The following CDKN2B-AS1 variants were observed in gnomAD, a reference collection of about 807,000 sequenced individuals.
CDKN2B-AS1 encodes CDKN2B antisense RNA 1 (non-protein coding).
At position 22,008,731 on chromosome 9, in the gene CDKN2B-AS1, C is replaced by T. The variant is rs201305174; in HGVS notation, n.29+13570C>T. ...ACATCGGCGATCTAGGTTCCAGCCC[C>T]GATCCGCCGAGGCCGCGCCCCGCGT... is the stretch of plus-strand genomic sequence containing the variant. On this transcript the variant is annotated intron_variant and non_coding_transcript_variant, in intron 1 of 4. Coordinates refer to ENST00000650946, the Ensembl canonical transcript of CDKN2B-AS1. 1.4e-4 allele frequency: 219 copies of T among 1,610,866 alleles called. No individual in the cohort carries two copies. In the African/African-American group the frequency reaches 2.6e-3, roughly 19 times the overall value.
Position 22,087,351 on chromosome 9 carries a change from G to A in CDKN2B-AS1, n.438+30964G>A, listed in dbSNP as rs547952758. On this transcript the variant is annotated intron_variant and non_coding_transcript_variant, in intron 4 of 4. Transcript: ENST00000650946. ...TCTGAGGATACAATTACATGCTACC[G>A]GTGGCAGAGGACAGTATAGCAAGAA... 3.9e-5 allele frequency among the ~76,000 whole-genome samples: 6 copies of A among 152,258 alleles called. No individual in the cohort carries two copies. In the South Asian group the frequency reaches 6.2e-4, roughly 16 times the overall value.
At chr9:22,033,178 T>G (rs1476824473) in intron 1 of CDKN2B-AS1, among the ~76,000 whole-genome samples, 1 of 152,116 alleles carries the variant, frequency 6.6e-6, no homozygotes, top group African/African-American at 2.4e-5. Context: ...CCCACCCACC[T>G]GCAGAAGAAT....
At chr9:22,098,480 A>T (rs1260127897) in intron 4 of CDKN2B-AS1, among the ~76,000 whole-genome samples, 2 of 152,052 alleles carry the variant, frequency 1.3e-5, no homozygotes, top group African/African-American at 4.8e-5. Flanking sequence ...CCTTTATAAA[A>T]ATAAAATAAA....
chr9:22,070,741 T>C (rs1200089531), intron 4 of CDKN2B-AS1, among the ~76,000 whole-genome samples: 1 of 152,156 alleles, frequency 6.6e-6, no homozygotes, highest in African/African-American at 2.4e-5. Flanking sequence ...AATGCCTGCC[T>C]CTGGTGCACA....
intron 4 of CDKN2B-AS1, among the ~76,000 whole-genome samples, chr9:22,065,294 G>T (rs1012547933): frequency 7.9e-5 from 12 of 152,186 alleles, no homozygotes; most frequent in African/African-American, 2.9e-4. Context: ...TTAGCTCCTG[G>T]CTCATTTGTG....
At chr9:22,094,362 C>G (rs1825203161) in intron 4 of CDKN2B-AS1, among the ~76,000 whole-genome samples, 1 of 144,114 alleles carries the variant, frequency 6.9e-6, no homozygotes, top group South Asian at 2.1e-4. Flanking sequence ...TGAATGTTGG[C>G]CTGCCTTGCT....
chr9:22,063,023 A>C (rs1349817724), intron 4 of CDKN2B-AS1, among the ~76,000 whole-genome samples: 1 of 150,334 alleles, frequency 6.7e-6, no homozygotes, highest in African/African-American at 2.4e-5. Context: ...AGAGAGAGAG[A>C]CTTATAAATT....
At chr9:22,009,575 C>G (rs902984461) in intron 1 of CDKN2B-AS1, among the ~76,000 whole-genome samples, 1 of 152,264 alleles carries the variant, frequency 6.6e-6, no homozygotes, top group Non-Finnish European at 1.5e-5. Flanking sequence ...CCACTGCCCT[C>G]AGCTCCTAAT....
At chr9:22,117,082 C>T (rs920925781) in intron 4 of CDKN2B-AS1, among the ~76,000 whole-genome samples, 1 of 152,130 alleles carries the variant, frequency 6.6e-6, no homozygotes, top group Non-Finnish European at 1.5e-5. Context: ...AAATGTTATG[C>T]ATCTTATGCA....
rs1041230196 is a variant in CDKN2B-AS1 at position 22,005,870 on chromosome 9, T to G, written n.29+10709T>G. ...CCTTCCTGTGAGTCTCAGACAGGCT[T>G]GCAGGCTTACAGGCTTTCCGCCGCT... On this transcript the variant is annotated intron_variant and non_coding_transcript_variant, in intron 1 of 4. Transcript: ENST00000650946. The surrounding 1 kb of genome is among the most constrained non-coding windows in gnomAD (Gnocchi z 4.9). 4 of 1,378,048 alleles carry G rather than the reference T, an allele frequency of 2.9e-6. No individual in the cohort carries two copies. The highest frequency in any genetic ancestry group is 2.0e-5 in the Admixed American group (1 of 50,858). The allele number at this position is 1,378,048 out of a possible 1,614,324, so 85.4% of individuals were successfully genotyped here.
intron 2 of CDKN2B-AS1, among the ~76,000 whole-genome samples, chr9:22,047,122 A>T (rs1245857388): frequency 2.6e-5 from 4 of 152,108 alleles, no homozygotes; most frequent in Non-Finnish European, 5.9e-5. Context: ...CATGAAACAA[A>T]TAGTCTTTCA....
At chr9:22,127,977 G>T (rs1818040713) in exon 5 of CDKN2B-AS1, among the ~76,000 whole-genome samples, 1 of 152,118 alleles carries the variant, frequency 6.6e-6, no homozygotes, top group Admixed American at 6.6e-5. Context: ...AGCCCTGTGA[G>T]AATTATTTAA....
rs1331321992 is a variant in CDKN2B-AS1 at position 22,076,072 on chromosome 9, T to TTTTC, written n.438+19685_438+19686insTTTC. On this transcript the variant is annotated intron_variant and non_coding_transcript_variant, in intron 4 of 4. Coordinates refer to ENST00000650946, the Ensembl canonical transcript of CDKN2B-AS1. ...AGGTTTTATTTTATTTTATTTTTTT[T>TTTTC]AATGGAGTCTTGCTCTTGTCATCCA... Among the ~76,000 whole-genome samples, 1,348 of 151,960 alleles carry TTTTC rather than the reference T, an allele frequency of 8.9e-3. 18 individuals carry two copies. The highest frequency in any genetic ancestry group is 0.011 in the Non-Finnish European group (769 of 67,936).
At chr9:22,107,091 A>G (rs973946138) in intron 4 of CDKN2B-AS1, among the ~76,000 whole-genome samples, 18 of 152,234 alleles carry the variant, frequency 1.2e-4, no homozygotes, top group Admixed American at 3.9e-4. Flanking sequence ...AGAAGGCAGT[A>G]TGGAGTGCAG....
intron 1 of CDKN2B-AS1, among the ~76,000 whole-genome samples, chr9:22,010,475 G>C (rs557595637): frequency 6.6e-6 from 1 of 152,088 alleles, no homozygotes; most frequent in East Asian, 1.9e-4. Context: ...TAACAGGAGG[G>C]CAATTGCTTG....
At chr9:22,127,955 C>G (rs971037703) in exon 5 of CDKN2B-AS1, among the ~76,000 whole-genome samples, 3 of 152,082 alleles carry the variant, frequency 2.0e-5, no homozygotes, top group Non-Finnish European at 4.4e-5. Flanking sequence ...GGTAAGGATG[C>G]TACAACTGGT....
At chr9:22,126,972 A>C (rs1166269130) in intron 4 of CDKN2B-AS1, among the ~76,000 whole-genome samples, 1 of 152,220 alleles carries the variant, frequency 6.6e-6, no homozygotes, top group Non-Finnish European at 1.5e-5. Flanking sequence ...TTATGCATCA[A>C]ATCTTTTACA....
intron 1 of CDKN2B-AS1, among the ~76,000 whole-genome samples, chr9:22,016,709 A>C (rs1272072240): frequency 6.6e-6 from 1 of 152,238 alleles, no homozygotes; most frequent in African/African-American, 2.4e-5. Context: ...AGGATTCCCT[A>C]TTGAATAAAT....
chr9:22,078,650 G>C (rs771255882), intron 4 of CDKN2B-AS1, among the ~76,000 whole-genome samples: 1 of 152,162 alleles, frequency 6.6e-6, no homozygotes, highest in Non-Finnish European at 1.5e-5. Flanking sequence ...TAGGGTCCAA[G>C]ATTTTACATT....
Sources: gnomAD v4.1 joint callset for allele counts (sites outside exome capture counted in the v4.1 genomes callset) on GRCh38, gnomAD v4.1.1 for gene constraint, Gnocchi (gnomAD v3.1) non-coding constraint, MANE v1.5 for transcripts, NCBI Gene and HGNC (gene_info 2026-07-23, HGNC 2026-07-21) for gene names.